The following HPGDS variants were observed in gnomAD, a reference collection of about 807,000 sequenced individuals.
The protein encoded by HPGDS is hematopoietic prostaglandin D synthase.
In HPGDS, 26 loss-of-function variants were observed where a neutral mutation model predicts 23.1. That is an observed-to-expected ratio of 1.13 (90% CI 0.83 to 1.56). The LOEUF (loss-of-function observed/expected upper bound fraction) is 1.56, where lower values mean the gene tolerates loss of function less well. Among genes scored for constraint, HPGDS ranks in the 40% most tolerant of loss-of-function variants. The pLI, the probability that HPGDS is intolerant of heterozygous loss-of-function variation, is 0.00. For missense variants in HPGDS, 268 were observed against 236.4 expected (o/e 1.13, Z -0.88); for synonymous variants, 95 against 77.9 (o/e 1.22, Z -1.16).
intron 3 of HPGDS, among the ~76,000 whole-genome samples, chr4:94,317,387 A>G (rs1444580857): frequency 6.6e-6 from 1 of 152,180 alleles, no homozygotes; most frequent in African/African-American, 2.4e-5. Context: ...GAAGCCAAGT[A>G]TCCCCTTCAA....
At chr4:94,340,994 C>T (rs918473928) in intron 1 of HPGDS, among the ~76,000 whole-genome samples, 1 of 150,996 alleles carries the variant, frequency 6.6e-6, no homozygotes, top group Non-Finnish European at 1.5e-5. Flanking sequence ...TACAGACGCC[C>T]ACCACCGCGC....
At chr4:94,310,506 G>C (rs139964519) in intron 3 of HPGDS, among the ~76,000 whole-genome samples, 2 of 152,130 alleles carry the variant, frequency 1.3e-5, no homozygotes, top group Non-Finnish European at 2.9e-5. Context: ...CTCTGTTTTG[G>C]TACCAGTACC....
rs117171617 is a variant in HPGDS at position 94,307,561 on chromosome 4, T to C, written c.336+1073A>G. On this transcript the variant is annotated intron_variant, in intron 4 of 5. Coordinates refer to ENST00000295256, the MANE Select transcript of HPGDS (RefSeq NM_014485.3). ...ATCCAGGAACAGGACTCCAGCTCCA[T>C]AGAATGGCATCACTGGAATAACAGC... Among the ~76,000 whole-genome samples the C allele has an allele frequency of 9.7e-3, 1,471 of 152,214 alleles. 16 individuals carry two copies. Among genetic ancestry groups the C allele is most frequent in the East Asian group, 0.071 (369 of 5,180 alleles).
At chr4:94,340,845 C>CTTTTTTTT (rs1355637850) in intron 1 of HPGDS, among the ~76,000 whole-genome samples, 1 of 97,116 alleles carries the variant, frequency 1.0e-5, no homozygotes, top group Non-Finnish European at 2.0e-5. Context: ...TTTTTTTTTT[C>CTTTTTTTT]TTTCTTTTTT....
At chr4:94,326,815 G>A (rs1420739884) in intron 2 of HPGDS, among the ~76,000 whole-genome samples, 1 of 151,990 alleles carries the variant, frequency 6.6e-6, no homozygotes, top group Non-Finnish European at 1.5e-5. Context: ...CTGTGTATCT[G>A]GTATAGTAGT....
rs200179684 is a variant in HPGDS at position 94,325,350 on chromosome 4, T to C, written c.134-7385A>G. On this transcript the variant is annotated intron_variant, in intron 2 of 5. Transcript: ENST00000295256. Reference sequence around the variant, plus strand: ...AGGGACGTTTAAGTCTGCAGAAGTTTCTGCTGCCTTTTGTTCAGCTATGCA... The same window carrying C: ...AGGGACGTTTAAGTCTGCAGAAGTTCCTGCTGCCTTTTGTTCAGCTATGCA... Among the ~76,000 whole-genome samples, 7 of 152,204 alleles carry C rather than the reference T, an allele frequency of 4.6e-5. No homozygotes were observed. The East Asian group carries it at 1.3e-3, about 29-fold the overall frequency.
chr4:94,336,724 T>C (rs1362863300), intron 1 of HPGDS, among the ~76,000 whole-genome samples: 2 of 152,174 alleles, frequency 1.3e-5, no homozygotes, highest in Admixed American at 1.3e-4. Context: ...TGGAACTGTT[T>C]TCCAGGTTAC....
At chr4:94,309,088 G>C (rs900578346) in intron 3 of HPGDS, among the ~76,000 whole-genome samples, 56 of 131,626 alleles carry the variant, frequency 4.3e-4, no homozygotes, top group Middle Eastern at 4.4e-3. Flanking sequence ...GCTACATAGG[G>C]ATTCATTGAG....
intron 2 of HPGDS, among the ~76,000 whole-genome samples, chr4:94,331,016 A>C (rs1312184625): frequency 6.6e-6 from 1 of 152,232 alleles, no homozygotes; most frequent in Non-Finnish European, 1.5e-5. Context: ...ATCAGAAGTG[A>C]GGTACAGAAA....
At chr4:94,340,840 TTTTTC>T (rs1365585808) in intron 1 of HPGDS, among the ~76,000 whole-genome samples, 1 of 129,816 alleles carries the variant, frequency 7.7e-6, no homozygotes. Context: ...TTTCTTTTTT[TTTTTC>T]TTTCTTTTTT....
chr4:94,318,621 AT>A (rs1375535621), intron 2 of HPGDS, among the ~76,000 whole-genome samples: 2 of 152,118 alleles, frequency 1.3e-5, no homozygotes, highest in African/African-American at 2.4e-5. Flanking sequence ...TTAAAAATTG[AT>A]TTAAAAAAAT....
chr4:94,302,035 C>A (rs1756049959), intron 5 of HPGDS, 111 bp downstream of exon 5: 1 of 560,724 alleles, frequency 1.8e-6, no homozygotes. Flanking sequence ...TTTGTTCTTG[C>A]TGTAAATTCT....
intron 4 of HPGDS, among the ~76,000 whole-genome samples, chr4:94,302,754 C>A (rs1034495620): frequency 1.8e-4 from 28 of 152,166 alleles, no homozygotes; most frequent in African/African-American, 6.3e-4. Flanking sequence ...ATTGGACTAC[C>A]ATTGTGCCTC....
chr4:94,299,483 G>A lies in HPGDS; in HGVS notation c.597C>T (p.Leu199=). ...ACTTGAAGGCAACATGGATCAGCTA[G>A]AGTTTGGTTTGGGGCCTTCGTTTTA... ...NWIKRRPQTK[L] The change falls in exon 6 of 6, where the codon CTC becomes CTT. Residue 199 remains leucine (L), a synonymous_variant. Coordinates refer to ENST00000295256, the MANE Select transcript of HPGDS (RefSeq NM_014485.3). 6.2e-7 allele frequency: 1 copy of A among 1,609,518 alleles called. No homozygotes were observed. The highest frequency in any genetic ancestry group is 8.5e-7 in the Non-Finnish European group (1 of 1,176,960).
At chr4:94,333,289 C>T (rs1282951821) in intron 2 of HPGDS, among the ~76,000 whole-genome samples, 1 of 152,208 alleles carries the variant, frequency 6.6e-6, no homozygotes, top group East Asian at 1.9e-4. Flanking sequence ...ACAATTAAAT[C>T]AGCATCTCTC....
chr4:94,299,912 C>G (rs1756001805), intron 5 of HPGDS, among the ~76,000 whole-genome samples: 2 of 152,190 alleles, frequency 1.3e-5, no homozygotes, highest in African/African-American at 4.8e-5. Context: ...GGTACATACT[C>G]TTGTAACCTT....
chr4:94,318,989 A>G (rs1756450863), intron 2 of HPGDS, among the ~76,000 whole-genome samples: 1 of 152,196 alleles, frequency 6.6e-6, no homozygotes, highest in African/African-American at 2.4e-5. Flanking sequence ...CTAGGATTAC[A>G]GGCATGAGCA....
intron 3 of HPGDS, among the ~76,000 whole-genome samples, chr4:94,314,455 A>C (rs560070748): frequency 2.0e-4 from 31 of 152,290 alleles, no homozygotes; most frequent in South Asian, 1.7e-3. Context: ...AGAACAGCAA[A>C]TATTGGTGAA....
chr4:94,340,285 CTT>C (rs1560597868), intron 1 of HPGDS, among the ~76,000 whole-genome samples: 3 of 45,218 alleles, frequency 6.6e-5, no homozygotes, highest in Admixed American at 3.4e-4. Context: ...TTCTTTCTTT[CTT>C]TCTTTCTTTC....
Sources: gnomAD v4.1 joint callset for allele counts (sites outside exome capture counted in the v4.1 genomes callset) on GRCh38, gnomAD v4.1.1 for gene constraint, MANE v1.5 for transcripts, NCBI Gene and HGNC (gene_info 2026-07-23, HGNC 2026-07-21) for gene names.